Variants in CYP2C18 observed in about 807,000 individuals in gnomAD.
The protein encoded by CYP2C18 is cytochrome P450 2C18.
A neutral mutation model predicts 41.3 loss-of-function variants in CYP2C18; 38 were observed. The ratio of observed to expected loss-of-function variants is 0.92; its 90% CI spans 0.71 to 1.21. The LOEUF (loss-of-function observed/expected upper bound fraction) is 1.21. CYP2C18 is among the 50% of genes most tolerant of loss of function. The pLI is 0.00. For missense variants in CYP2C18, 635 were observed against 591.4 expected (o/e 1.07, Z -0.77); for synonymous variants, 236 against 210.0 (o/e 1.12, Z -1.07).
chr10:94,697,995 C>A (rs1485338091), intron 4 of CYP2C18, among the ~76,000 whole-genome samples: 2 of 152,110 alleles, frequency 1.3e-5, no homozygotes, highest in African/African-American at 4.8e-5. Context: ...TCCTTAGAGA[C>A]CTACGAAGAG....
intron 4 of CYP2C18, among the ~76,000 whole-genome samples, chr10:94,699,231 C>A (rs924274773): frequency 6.6e-6 from 1 of 152,118 alleles, no homozygotes; most frequent in Non-Finnish European, 1.5e-5. Flanking sequence ...AAATCCTCAA[C>A]AAAATACTGG....
intron 5 of CYP2C18, among the ~76,000 whole-genome samples, chr10:94,716,697 C>A (rs984641930): frequency 6.6e-6 from 1 of 152,160 alleles, no homozygotes; most frequent in South Asian, 2.1e-4. Flanking sequence ...TCTATTAGAT[C>A]TGCTTGGTGC....
At chr10:94,710,354 C>T (rs892940636) in intron 5 of CYP2C18, among the ~76,000 whole-genome samples, 2 of 152,166 alleles carry the variant, frequency 1.3e-5, no homozygotes, top group Non-Finnish European at 2.9e-5. Context: ...TGGTTCTTAG[C>T]TATTTTGGTT....
chr10:94,722,655 T>C (rs1847667006), intron 6 of CYP2C18, among the ~76,000 whole-genome samples: 1 of 151,928 alleles, frequency 6.6e-6, no homozygotes, highest in Non-Finnish European at 1.5e-5. Flanking sequence ...AACAGAAAAT[T>C]CTCCCTGCCT....
intron 4 of CYP2C18, among the ~76,000 whole-genome samples, chr10:94,696,422 G>C (rs1411028388): frequency 1.3e-5 from 2 of 152,180 alleles, no homozygotes; most frequent in Admixed American, 6.5e-5. Flanking sequence ...TGAGGGTCTT[G>C]ACTGTTAGAA....
chr10:94,692,481 A>C (rs2134177990), intron 3 of CYP2C18, among the ~76,000 whole-genome samples: 1 of 152,318 alleles, frequency 6.6e-6, no homozygotes, highest in African/African-American at 2.4e-5. Context: ...ATATCATCTC[A>C]CACCAGTTAG....
intron 3 of CYP2C18, among the ~76,000 whole-genome samples, chr10:94,690,293 G>C (rs560629639): frequency 6.6e-6 from 1 of 152,188 alleles, no homozygotes; most frequent in East Asian, 1.9e-4. Context: ...TTTCAGCTTG[G>C]ATTACAAATT....
chr10:94,709,855 T>C (rs1243780319), intron 5 of CYP2C18, among the ~76,000 whole-genome samples: 1 of 152,236 alleles, frequency 6.6e-6, no homozygotes, highest in Non-Finnish European at 1.5e-5. Flanking sequence ...GAAAAGACTA[T>C]TCATTCCCCA....
At chr10:94,717,513 A>C (rs1409768754) in intron 5 of CYP2C18, among the ~76,000 whole-genome samples, 2 of 151,686 alleles carry the variant, frequency 1.3e-5, no homozygotes, top group Non-Finnish European at 2.9e-5. Context: ...ATCGGCCCCC[A>C]CTCTCTTCTG....
rs41286884 is a variant in CYP2C18, at chr10:94,735,404, G to A, written c.1433G>A (p.Arg478His). The A allele has an allele frequency of 0.013, 20,593 of 1,613,642 alleles. 202 individuals are homozygous for A. Among genetic ancestry groups the A allele is most frequent in the Non-Finnish European group, 0.014 (16,445 of 1,179,684 alleles). Residue 478 changes from arginine (R) to histidine (H), a missense_variant, in exon 9 of 9, where the codon CGT (arginine) becomes CAT (histidine). Transcript: ENST00000285979. ...ACCCCCATTGCCAATGCATTTGGTCGTGTGCCACCCTTGTACCAGCTCTGC... is the reference window on the plus strand; with the variant it reads ...ACCCCCATTGCCAATGCATTTGGTCATGTGCCACCCTTGTACCAGCTCTGC... The part of the protein sequence containing the change: ...DITPIANAFG[R>H]VPPLYQLCFI...
At chr10:94,706,626 A>G (rs75101864) in intron 4 of CYP2C18, among the ~76,000 whole-genome samples, 158 bp from the exon 5 acceptor site, 2,312 of 152,248 alleles carry the variant, frequency 0.015, 52 homozygotes, top group African/African-American at 0.053. Context: ...AAATCTTTCT[A>G]TCAGTATAGA....
chr10:94,720,635 T>C, intron 6 of CYP2C18, 98 bp downstream of exon 6: 1 of 1,241,960 alleles, frequency 8.1e-7, no homozygotes, highest in South Asian at 1.5e-5. Flanking sequence ...AGAAGCTTCA[T>C]TATTGAAATT....
At chr10:94,693,366 C>T (rs1197967687) in intron 3 of CYP2C18, among the ~76,000 whole-genome samples, 2 of 152,116 alleles carry the variant, frequency 1.3e-5, no homozygotes, top group Non-Finnish European at 2.9e-5. Context: ...AGTGAAAGCT[C>T]CTGTTTTGCC....
intron 3 of CYP2C18, among the ~76,000 whole-genome samples, chr10:94,690,787 G>T (rs1244265835): frequency 1.3e-5 from 2 of 152,126 alleles, no homozygotes; most frequent in Non-Finnish European, 2.9e-5. Flanking sequence ...TAAAATACTG[G>T]CAAACTGAAT....
At chr10:94,727,432 T>C (rs1349586361) in intron 7 of CYP2C18, among the ~76,000 whole-genome samples, 6 of 151,992 alleles carry the variant, frequency 3.9e-5, no homozygotes, top group Admixed American at 3.3e-4. Flanking sequence ...CTGAGCAACA[T>C]AGTGAAACTC....
intron 5 of CYP2C18, among the ~76,000 whole-genome samples, chr10:94,714,806 G>A (rs549865958): frequency 3.7e-4 from 57 of 152,002 alleles, no homozygotes; most frequent in Admixed American, 1.0e-3. Flanking sequence ...CTTCCTATCC[G>A]TAAGCATGGA....
chr10:94,702,596 G>A (rs964117288), intron 4 of CYP2C18, among the ~76,000 whole-genome samples: 3 of 151,890 alleles, frequency 2.0e-5, no homozygotes, highest in African/African-American at 7.3e-5. Context: ...GGTCATTTAT[G>A]TTCTTCTTGA....
At chr10:94,691,029 A>C (rs1187040344) in intron 3 of CYP2C18, among the ~76,000 whole-genome samples, 1 of 152,232 alleles carries the variant, frequency 6.6e-6, no homozygotes, top group African/African-American at 2.4e-5. Context: ...ATCTCAAAAT[A>C]ATAAGAGCTA....
intron 3 of CYP2C18, among the ~76,000 whole-genome samples, chr10:94,689,559 C>G (rs1846959164): frequency 6.6e-6 from 1 of 152,092 alleles, no homozygotes; most frequent in South Asian, 2.1e-4. Flanking sequence ...ACAGTTGTCC[C>G]TCCTTATCAG....
Sources: gnomAD v4.1 joint callset for allele counts (sites outside exome capture counted in the v4.1 genomes callset) on GRCh38, gnomAD v4.1.1 for gene constraint, MANE v1.5 for transcripts, NCBI Gene and HGNC (gene_info 2026-07-23, HGNC 2026-07-21) for gene names.